Variants in ZBTB11 observed in about 807,000 individuals in gnomAD.
ZBTB11 encodes the protein zinc finger and BTB domain containing 11.
ZBTB11 carries 68 observed loss-of-function variants against 113.1 expected under a neutral mutation model. That is an observed-to-expected ratio of 0.60 (90% CI 0.49 to 0.74). ZBTB11 has a LOEUF of 0.74. Among genes scored for constraint, ZBTB11 ranks in the 30% least tolerant of loss-of-function variants. The pLI is 0.00. For missense variants in ZBTB11, 1,104 were observed against 1,279.4 expected, an observed-to-expected ratio of 0.86 and a Z score of 2.09; for synonymous variants, 518 against 452.6, an observed-to-expected ratio of 1.14 and a Z score of -1.83.
At chr3:101,658,519 C>T (rs761832445) in intron 6 of ZBTB11, among the ~76,000 whole-genome samples, 20 of 151,990 alleles carry the variant, frequency 1.3e-4, no homozygotes, top group Non-Finnish European at 2.1e-4. Flanking sequence ...ACACTGTACC[C>T]GGCCAATTAA....
intron 3 of ZBTB11, among the ~76,000 whole-genome samples, chr3:101,669,213 T>G (rs1937045588): frequency 6.6e-6 from 1 of 152,206 alleles, no homozygotes. Flanking sequence ...TTGTAAATTT[T>G]GGTAGCCACA....
chr3:101,671,882 A>T, intron 2 of ZBTB11, 96 bp downstream of exon 2: 2 of 895,592 alleles, frequency 2.2e-6, no homozygotes, highest in Non-Finnish European at 3.7e-6. Context: ...TTATTCAATA[A>T]GCAGTCTTAG....
chr3:101,658,512 C>T (rs1936835281), intron 6 of ZBTB11, among the ~76,000 whole-genome samples: 2 of 152,082 alleles, frequency 1.3e-5, no homozygotes, highest in Non-Finnish European at 2.9e-5. Context: ...GTGAGCCACA[C>T]TGTACCCGGC....
At position 101,664,988 on chromosome 3, in the gene ZBTB11, G is replaced by A. The variant is rs1226599560; in HGVS notation, c.1599C>T (p.Ala533=). 3 of 1,611,794 alleles carry A rather than the reference G, an allele frequency of 1.9e-6. No homozygotes were observed. Among genetic ancestry groups the A allele is most frequent in the Non-Finnish European group, 2.5e-6 (3 of 1,178,544 alleles). The change falls in exon 4 of 11, where the codon GCC becomes GCT. Residue 533 remains alanine (A), a synonymous_variant. Coordinates refer to ENST00000312938, the MANE Select transcript of ZBTB11 (RefSeq NM_014415.4). The part of the protein sequence containing the change: ...GMEKKLQKRK[A]VPKSAVQQVA... ...CCTGTTGAACTGCTGACTTGGGAAC[G>A]GCTTTCCGTTTCTGCAGCTTTTTCT...
chr3:101,674,568 G>T (rs555039724), intron 1 of ZBTB11, among the ~76,000 whole-genome samples: 1 of 151,262 alleles, frequency 6.6e-6, no homozygotes, highest in Non-Finnish European at 1.5e-5. Flanking sequence ...AAAATTAGCT[G>T]GGCGTGGTGT....
At chr3:101,653,688 A>G (rs1029986625) in intron 8 of ZBTB11, among the ~76,000 whole-genome samples, 2 of 152,214 alleles carry the variant, frequency 1.3e-5, no homozygotes, top group African/African-American at 4.8e-5. Flanking sequence ...GGAAGCTCCA[A>G]AAGCCCATCT....
At position 101,665,719 on chromosome 3, in the gene ZBTB11, T is replaced by G. The variant is rs1365317937; in HGVS notation, c.868A>C (p.Ile290Leu). ...FDFCSMADVA[I>L]LARHLFMSEV... Reference sequence around the variant, plus strand: ...GACATGAAAAGATGACGAGCTAAGATGGCTACATCAGCCATGCTACAGAAA... The same window carrying G: ...GACATGAAAAGATGACGAGCTAAGAGGGCTACATCAGCCATGCTACAGAAA... The change falls in exon 4 of 11, where the codon ATC becomes CTC. Residue 290 changes from isoleucine (I) to leucine (L), a missense_variant. Physicochemically the swap from Ile to Leu is conservative, Grantham distance 5. This residue lies in a region of ZBTB11 where 86 missense variants were observed against 131.0 expected (regional missense o/e 0.66). Transcript: ENST00000312938. 1 of 1,614,174 alleles carries G rather than the reference T, an allele frequency of 6.2e-7. No homozygotes were observed. Among genetic ancestry groups the G allele is most frequent in the East Asian group, 2.2e-5 (1 of 44,886 alleles).
intron 5 of ZBTB11, among the ~76,000 whole-genome samples, chr3:101,663,531 T>C (rs548696514): frequency 1.6e-4 from 25 of 152,318 alleles, no homozygotes; most frequent in Middle Eastern, 6.8e-3. Context: ...CTTTTGTTAC[T>C]GGGCTTCAGA....
In ZBTB11 at chr3:101,665,038, A is replaced by G. The variant is rs969634250; in HGVS notation, c.1549T>C (p.Tyr517His). The G allele has an allele frequency of 1.9e-6, 3 of 1,614,012 alleles. No individual in the cohort carries two copies. Among genetic ancestry groups the G allele is most frequent in the Non-Finnish European group, 2.5e-6 (3 of 1,180,022 alleles). Reference sequence around the variant, plus strand: ...TCCATTCCCTTGTGTAGTCGAATATATGCCCCTTCATTAACAGAACGTTGT... The same window carrying G: ...TCCATTCCCTTGTGTAGTCGAATATGTGCCCCTTCATTAACAGAACGTTGT... ...LRQRSVNEGA[Y>H]IRLHKGMEKK... Residue 517 changes from tyrosine (Y) to histidine (H), a missense_variant, in exon 4 of 11, where the codon TAT becomes CAT. By Grantham distance (83) the Tyr-to-His change is moderately conservative (BLOSUM62 2). Transcript: ENST00000312938.
chr3:101,661,909 T>C (rs1163973697), intron 5 of ZBTB11, among the ~76,000 whole-genome samples: 2 of 152,112 alleles, frequency 1.3e-5, no homozygotes, highest in African/African-American at 4.8e-5. Flanking sequence ...TTCTAACTTG[T>C]CTTTTTGCTC....
chr3:101,656,856 G>A (rs552885911), intron 6 of ZBTB11, among the ~76,000 whole-genome samples: 5 of 152,146 alleles, frequency 3.3e-5, no homozygotes, highest in Admixed American at 6.5e-5. Flanking sequence ...ATTTATGGCC[G>A]GGTGTGGTGG....
Position 101,659,906 on chromosome 3 carries a change from T to C in ZBTB11, c.1923A>G (p.Ser641=), listed in dbSNP as rs758344349. Residue 641 remains serine, a synonymous_variant, in exon 6 of 11, where the codon TCA becomes TCG. Coordinates refer to ENST00000312938, the MANE Select transcript of ZBTB11 (RefSeq NM_014415.4). ...CCCGCTTGGTTCTGCCCTTCTCAGATGATGTTCCCGATGCTTCATTAGACG... is the reference window on the plus strand; with the variant it reads ...CCCGCTTGGTTCTGCCCTTCTCAGACGATGTTCCCGATGCTTCATTAGACG... ...NSTSNEASGT[S]SEKGRTKREF... is the part of the protein sequence containing the mutation. The C allele has an allele frequency of 1.2e-6, 2 of 1,614,224 alleles. No individual in the cohort carries two copies. Among genetic ancestry groups the C allele is most frequent in the East Asian group, 2.2e-5 (1 of 44,876 alleles).
Position 101,652,634 on chromosome 3 carries a change from A to T in ZBTB11, c.2506T>A (p.Leu836Met). The T allele has an allele frequency of 6.2e-7, 1 of 1,613,970 alleles. No individual in the cohort carries two copies. The highest frequency in any genetic ancestry group is 8.5e-7 in the Non-Finnish European group (1 of 1,180,000). ...GCTTTCTTTACATGCCTTCTGAACA[A>T]AGCTTTTTCATAAAATTCTTTGCCA... ...ICGKEFYEKA[L>M]FRRHVKKATH... The change falls in exon 10 of 11, where the codon TTG becomes ATG. Residue 836 changes from leucine to methionine, a missense_variant. Transcript: ENST00000312938.
At chr3:101,659,672 G>A in intron 6 of ZBTB11, 111 bp downstream of exon 6, 2 of 1,362,902 alleles carry the variant, frequency 1.5e-6, no homozygotes, top group East Asian at 2.3e-5. Context: ...AAATTTACCT[G>A]ACATTTTACA....
chr3:101,653,054 A>G, intron 8 of ZBTB11, 116 bp from the exon 9 acceptor site: 2 of 1,134,472 alleles, frequency 1.8e-6, no homozygotes, highest in East Asian at 2.5e-5. Context: ...TCAACTTAAA[A>G]GAATTCCCTA....
At position 101,656,011 on chromosome 3, in the gene ZBTB11, C is replaced by T. The variant is rs370661570; in HGVS notation, c.2191+93G>A. ...TCAATACAAAATTGAGCACACACGA[C>T]TATCAGTTTATCAATATAATTTCTG... On this transcript the variant is annotated intron_variant, in intron 7 of 10. Coordinates refer to ENST00000312938, the MANE Select transcript of ZBTB11 (RefSeq NM_014415.4). 2.2e-4 allele frequency: 231 copies of T among 1,056,696 alleles called. 2 individuals carry two copies. In the South Asian group the frequency reaches 5.1e-3, roughly 23 times the overall value. 65.5% of individuals were successfully genotyped at this position (1,056,696 alleles called of 1,614,324 possible).
chr3:101,654,386 A>G (rs1397609809), intron 8 of ZBTB11, among the ~76,000 whole-genome samples: 1 of 152,106 alleles, frequency 6.6e-6, no homozygotes, highest in Non-Finnish European at 1.5e-5. Flanking sequence ...TGTAACAGAG[A>G]TTTTATTTTA....
Position 101,649,342 on chromosome 3 carries a change from TTTTA to T in ZBTB11, c.*1820_*1823del, listed in dbSNP as rs1177668066. ...TTCCTCCAATCGTTATTTTTTAGTG[TTTTA>T]TTTCCTTTCCCTTTAAAAATAAATT... is the stretch of plus-strand genomic sequence containing the variant. On this transcript the variant is annotated 3_prime_UTR_variant, in exon 11 of 11. Transcript: ENST00000312938. 1 of 152,240 alleles carries T rather than the reference TTTTA, an allele frequency of 6.6e-6. No homozygotes were observed. Among genetic ancestry groups the T allele is most frequent in the East Asian group, 1.9e-4 (1 of 5,200 alleles). 9.4% of individuals were successfully genotyped at this position (152,240 alleles called of 1,614,324 possible). A position where few individuals can be genotyped will look rare whatever the true frequency, so the allele number is the denominator to read the frequency against.
At chr3:101,663,354 G>T (rs554754789) in intron 5 of ZBTB11, among the ~76,000 whole-genome samples, 1 of 152,298 alleles carries the variant, frequency 6.6e-6, no homozygotes, top group East Asian at 1.9e-4. Context: ...TTATAGGTGT[G>T]AGCCACTGCG....
Sources: gnomAD v4.1 joint callset for allele counts (sites outside exome capture counted in the v4.1 genomes callset) on GRCh38, gnomAD v4.1.1 for gene constraint, gnomAD v4.1.1 regional missense constraint, MANE v1.5 for transcripts, NCBI Gene and HGNC (gene_info 2026-07-23, HGNC 2026-07-21) for gene names.